Variants in SGCZ observed in about 807,000 individuals in gnomAD.
SGCZ encodes zeta-sarcoglycan.
A neutral mutation model predicts 41.3 loss-of-function variants in SGCZ; 40 were observed. The ratio of observed to expected loss-of-function variants is 0.97; its 90% CI spans 0.75 to 1.26. The LOEUF (loss-of-function observed/expected upper bound fraction) is 1.26, where lower values mean the gene tolerates loss of function less well. Among genes scored for constraint, SGCZ ranks in the 50% most tolerant of loss-of-function variants. SGCZ has a pLI of 0.00. For missense variants in SGCZ, 552 were observed against 369.8 expected (o/e 1.49, Z -4.04); for synonymous variants, 206 against 137.5 (o/e 1.50, Z -3.49).
rs56874544 is a variant in SGCZ, at chr8:14,525,937, C to G, written c.234+28795G>C. Among the ~76,000 whole-genome samples, 1,049 of 151,310 alleles carry G rather than the reference C, an allele frequency of 6.9e-3. 13 individuals carry two copies. The highest frequency in any genetic ancestry group is 0.025 in the African/African-American group (1,011 of 41,196). On this transcript the variant is annotated intron_variant, in intron 2 of 7. Coordinates refer to ENST00000382080, the MANE Select transcript of SGCZ (RefSeq NM_139167.4). ...TCTCAGTATAAGTATAGTGAACATA[C>G]AAGTGCCAAAGTTAGAGATAGTCTA...
intron 2 of SGCZ, among the ~76,000 whole-genome samples, chr8:14,435,010 A>T (rs79247248): frequency 3.9e-5 from 6 of 152,218 alleles, no homozygotes; most frequent in African/African-American, 1.2e-4. Context: ...ATTTAAAAAA[A>T]TAATTACCAA....
chr8:15,035,749 CACAATA>C (rs1393907318), intron 1 of SGCZ, among the ~76,000 whole-genome samples: 1 of 151,890 alleles, frequency 6.6e-6, no homozygotes, highest in East Asian at 1.9e-4. Flanking sequence ...AAGGTCAGTA[CACAATA>C]ATAAAGGGAT....
chr8:14,600,991 G>A (rs376610356), intron 1 of SGCZ, among the ~76,000 whole-genome samples: 1 of 150,242 alleles, frequency 6.7e-6, no homozygotes, highest in Admixed American at 6.6e-5. Flanking sequence ...TAATGCATAT[G>A]TCTCTATAAT....
intron 1 of SGCZ, among the ~76,000 whole-genome samples, chr8:15,028,477 GTTGAAGT>G (rs1563450120): frequency 1.4e-5 from 2 of 147,234 alleles, no homozygotes; most frequent in African/African-American, 5.1e-5. Context: ...CATCGTCTAA[GTTGAAGT>G]CAGTTTCATA....
rs994413058 is a variant in SGCZ at position 14,652,554 on chromosome 8, C to T, written c.40-97628G>A. Among the ~76,000 whole-genome samples, 5 of 151,772 alleles carry T rather than the reference C, an allele frequency of 3.3e-5. No homozygotes were observed. In the East Asian group the frequency reaches 7.8e-4, roughly 24 times the overall value. On this transcript the variant is annotated intron_variant, in intron 1 of 7. Coordinates refer to ENST00000382080, the MANE Select transcript of SGCZ (RefSeq NM_139167.4). ...GAGCTGCAATTTGTTCAGTGAATTC[C>T]GACAGCAAGAATTTAGCCCAGTAAG... is the stretch of plus-strand genomic sequence containing the variant.
At chr8:14,860,758 G>C (rs917856337) in intron 1 of SGCZ, among the ~76,000 whole-genome samples, 3 of 151,794 alleles carry the variant, frequency 2.0e-5, no homozygotes, top group African/African-American at 4.8e-5. Flanking sequence ...AAGTGAGGGA[G>C]GGAGGGAGGG....
chr8:14,256,543 T>C (rs533263035), intron 3 of SGCZ, among the ~76,000 whole-genome samples: 2 of 143,994 alleles, frequency 1.4e-5, no homozygotes, highest in South Asian at 5.2e-4. Flanking sequence ...GAGTTTTTGA[T>C]GTTCAGTTGG....
At chr8:14,692,979 T>C (rs1262764234) in intron 1 of SGCZ, among the ~76,000 whole-genome samples, 1 of 152,204 alleles carries the variant, frequency 6.6e-6, no homozygotes, top group Non-Finnish European at 1.5e-5. Context: ...TGAAAATATT[T>C]TCAGAGCTCT....
At chr8:14,907,571 A>T (rs1799156874) in intron 1 of SGCZ, among the ~76,000 whole-genome samples, 1 of 152,134 alleles carries the variant, frequency 6.6e-6, no homozygotes, top group African/African-American at 2.4e-5. Context: ...TAAAGAATAA[A>T]GGCTGGACAA....
intron 2 of SGCZ, among the ~76,000 whole-genome samples, chr8:14,436,857 C>A (rs2117354761): frequency 6.6e-6 from 1 of 152,262 alleles, no homozygotes; most frequent in Non-Finnish European, 1.5e-5. Flanking sequence ...TGTTGGAAAA[C>A]TGACAAAATA....
intron 4 of SGCZ, among the ~76,000 whole-genome samples, chr8:14,170,975 A>G (rs1804361665): frequency 6.6e-6 from 1 of 152,078 alleles, no homozygotes; most frequent in Non-Finnish European, 1.5e-5. Context: ...TCTTCTGGTA[A>G]TCTCACATTC....
intron 2 of SGCZ, among the ~76,000 whole-genome samples, chr8:14,542,846 G>T (rs1585064090): frequency 6.6e-6 from 1 of 152,004 alleles, no homozygotes; most frequent in African/African-American, 2.4e-5. Flanking sequence ...TCTCTGCTAA[G>T]GGTGCTATTT....
chr8:14,346,908 T>C (rs1465212273), intron 2 of SGCZ, among the ~76,000 whole-genome samples: 2 of 152,048 alleles, frequency 1.3e-5, no homozygotes, highest in Admixed American at 6.6e-5. Context: ...AACATTTCAA[T>C]CAAAATTATT....
intron 1 of SGCZ, among the ~76,000 whole-genome samples, chr8:14,773,385 AAAAC>A (rs1286758672): frequency 6.6e-6 from 1 of 152,196 alleles, no homozygotes; most frequent in Non-Finnish European, 1.5e-5. Flanking sequence ...TTATGAGAGC[AAAAC>A]AAACAAAAGA....
chr8:14,721,497 T>A (rs995054212), intron 1 of SGCZ, among the ~76,000 whole-genome samples: 1 of 152,130 alleles, frequency 6.6e-6, no homozygotes, highest in Non-Finnish European at 1.5e-5. Context: ...GCATCAGCCT[T>A]AACTGCACTC....
At chr8:14,933,522 C>T (rs912362483) in intron 1 of SGCZ, among the ~76,000 whole-genome samples, 33 of 149,340 alleles carry the variant, frequency 2.2e-4, no homozygotes, top group Non-Finnish European at 1.9e-4. Context: ...AGCTCCGCCT[C>T]CCGCGTTCAC....
chr8:15,003,647 T>C (rs1258795529), intron 1 of SGCZ, among the ~76,000 whole-genome samples: 1 of 152,144 alleles, frequency 6.6e-6, no homozygotes. Context: ...TAACATGTTT[T>C]TATATGACTC....
Position 14,374,278 on chromosome 8 carries a change from C to T in SGCZ, c.235-50074G>A, listed in dbSNP as rs550608214. On this transcript the variant is annotated intron_variant, in intron 2 of 7. Transcript: ENST00000382080. ...CCTGTAGTCCCAACTCTTCAGGAGG[C>T]TGAGATGGGAGGATAACCTGTGCCC... 3.3e-5 allele frequency among the ~76,000 whole-genome samples: 5 copies of T among 152,144 alleles called. No individual in the cohort carries two copies. The East Asian group carries it at 7.8e-4, about 24-fold the overall frequency.
rs180717927 is a variant in SGCZ at position 14,978,466 on chromosome 8, G to A, written c.39+259119C>T. Among the ~76,000 whole-genome samples, 341 of 49,998 alleles carry A rather than the reference G, an allele frequency of 6.8e-3. 14 individuals are homozygous for A. The highest frequency in any genetic ancestry group is 0.031 in the African/African-American group (321 of 10,222). The allele number at this position is 49,998 out of a possible 152,430, so 32.8% of individuals were successfully genotyped here. ...AGCCTGGAGGACCGAGTGAGACACC[G>A]TCACAAAAAAAAAAAAAAAAAAAAA... is the stretch of plus-strand genomic sequence containing the variant. On this transcript the variant is annotated intron_variant, in intron 1 of 7. Transcript: ENST00000382080.
Sources: gnomAD v4.1 joint callset for allele counts (sites outside exome capture counted in the v4.1 genomes callset) on GRCh38, gnomAD v4.1.1 for gene constraint, MANE v1.5 for transcripts, NCBI Gene and HGNC (gene_info 2026-07-23, HGNC 2026-07-21) for gene names.